VPS13B: variants seen among roughly 807,000 people sequenced by gnomAD.
The protein encoded by VPS13B is vacuolar protein sorting 13 homolog B.
A neutral mutation model predicts 426.4 loss-of-function variants in VPS13B; 285 were observed. That is an observed-to-expected ratio of 0.67 (90% CI 0.61 to 0.74). The LOEUF is 0.74. Among genes scored for constraint, VPS13B ranks in the 30% least tolerant of loss-of-function variants. The probability of loss-of-function intolerance (pLI) is 0.00; values close to 1 mark genes in which losing one functional copy is unlikely to be tolerated. For missense variants in VPS13B, 4,537 were observed against 4,782.6 expected, an observed-to-expected ratio of 0.95 and a Z score of 1.51; for synonymous variants, 1,676 against 1,676.4, an observed-to-expected ratio of 1.00 and a Z score of 0.01.
chr8:99,561,353 T>C (rs1000916388), intron 31 of VPS13B, among the ~76,000 whole-genome samples: 1 of 152,214 alleles, frequency 6.6e-6, no homozygotes, highest in African/African-American at 2.4e-5. Flanking sequence ...GCATACTGTT[T>C]TGTATATTCA....
chr8:99,649,852 TTAAACTTA>T (rs1475685190), intron 34 of VPS13B, among the ~76,000 whole-genome samples: 19 of 152,172 alleles, frequency 1.2e-4, no homozygotes, highest in African/African-American at 4.3e-4. Context: ...CACTCTCGAG[TTAAACTTA>T]TAAAAGAAGA....
chr8:99,115,733 A>G lies in VPS13B; in HGVS notation c.796A>G (p.Ile266Val), dbSNP rs752505325. The G allele has an allele frequency of 2.6e-5, 42 of 1,613,302 alleles. No individual in the cohort carries two copies. Among genetic ancestry groups the G allele is most frequent in the Non-Finnish European group, 3.6e-5 (42 of 1,179,652 alleles). ...TTTAGTGGAAAGTTTGAAACTTTCT[A>G]TCACAGATCAACAACTGCCTATGTT... ...HTLVESLKLS[I>V]TDQQLPMFIR... Residue 266 changes from isoleucine (I) to valine (V), a missense_variant, in exon 7 of 62, where the codon ATC becomes GTC. By Grantham distance (29) the Ile-to-Val change is conservative. This residue lies in a region of VPS13B where 4,311 missense variants were observed against 4,474.3 expected (regional missense o/e 0.96). Coordinates refer to ENST00000357162, the MANE Select transcript of VPS13B (RefSeq NM_152564.5).
At chr8:99,483,873 A>G (rs1393137493) in intron 25 of VPS13B, among the ~76,000 whole-genome samples, 1 of 152,110 alleles carries the variant, frequency 6.6e-6, no homozygotes, top group Non-Finnish European at 1.5e-5. Flanking sequence ...CATACAAGGT[A>G]TAGTGTGAAT....
intron 21 of VPS13B, among the ~76,000 whole-genome samples, chr8:99,396,415 T>C (rs866776592): frequency 5.9e-5 from 9 of 152,258 alleles, no homozygotes; most frequent in South Asian, 2.1e-4. Context: ...AAGCAACTTA[T>C]CCGAGGTTAA....
chr8:99,196,355 G>T (rs1813925900), intron 17 of VPS13B, among the ~76,000 whole-genome samples: 2 of 151,142 alleles, frequency 1.3e-5, no homozygotes, highest in South Asian at 4.2e-4. Context: ...TTTTAGTTTT[G>T]GACATGTTAA....
At chr8:99,292,646 C>T (rs1588214802) in intron 19 of VPS13B, among the ~76,000 whole-genome samples, 1 of 152,002 alleles carries the variant, frequency 6.6e-6, no homozygotes, top group African/African-American at 2.4e-5. Context: ...TTCTACTTTG[C>T]TCAGGTTTAT....
rs1354897270 is a variant in VPS13B at position 99,147,968 on chromosome 8, C to G, written c.1971C>G (p.Phe657Leu). 1 of 1,613,160 alleles carries G rather than the reference C, an allele frequency of 6.2e-7. No individual in the cohort carries two copies. Among genetic ancestry groups the G allele is most frequent in the Non-Finnish European group, 8.5e-7 (1 of 1,179,602 alleles). ...KCTCTISMAE[F>L]NLLDHLLPVI... ...CCTGCACAATTTCCATGGCTGAATT[C>G]AACTTGCTGGACCATTTACTACCTG... Residue 657 changes from phenylalanine (F) to leucine (L), a missense_variant, in exon 14 of 62, where the codon TTC becomes TTG. Physicochemically the swap from Phe to Leu is conservative, Grantham distance 22 (BLOSUM62 0). Transcript: ENST00000357162.
In VPS13B at chr8:99,391,622, T is replaced by G. The variant is rs1465563233; in HGVS notation, c.3000T>G (p.Ile1000Met). The G allele has an allele frequency of 1.9e-6, 3 of 1,614,040 alleles. No homozygotes were observed. In the African/African-American group the frequency reaches 4.0e-5, roughly 22 times the overall value. Residue 1000 changes from isoleucine to methionine, a missense_variant, in exon 21 of 62, where the codon ATT becomes ATG. By Grantham distance (10) the Ile-to-Met change is conservative. Around this residue, in one of 2 missense-constraint regions of VPS13B, gnomAD observed 4,311 missense variants for 4,474.3 expected, o/e 0.96. Coordinates refer to ENST00000357162, the MANE Select transcript of VPS13B (RefSeq NM_152564.5). Reference protein sequence around the residue: ...VCRRKEDEVSIGSAPLAKQQS... With the variant: ...VCRRKEDEVSMGSAPLAKQQS... Reference sequence around the variant, plus strand: ...GAAGGAAAGAGGATGAGGTGTCTATTGGAAGTGCCCCCTTGGCAAAGCAGC... The same window carrying G: ...GAAGGAAAGAGGATGAGGTGTCTATGGGAAGTGCCCCCTTGGCAAAGCAGC...
intron 39 of VPS13B, among the ~76,000 whole-genome samples, chr8:99,751,629 C>A (rs899528372): frequency 6.6e-6 from 1 of 152,102 alleles, no homozygotes; most frequent in Non-Finnish European, 1.5e-5. Context: ...ATTAAGTATA[C>A]TTGATAGGCT....
intron 14 of VPS13B, among the ~76,000 whole-genome samples, chr8:99,149,084 T>A (rs1810912620): frequency 6.6e-6 from 1 of 152,252 alleles, no homozygotes; most frequent in Non-Finnish European, 1.5e-5. Flanking sequence ...ATTGCCTTCA[T>A]GGCATGGATT....
chr8:99,748,909 C>T lies in VPS13B; in HGVS notation c.7051-17865C>T, dbSNP rs568498062. On this transcript the variant is annotated intron_variant, in intron 39 of 61. Coordinates refer to ENST00000357162, the MANE Select transcript of VPS13B (RefSeq NM_152564.5). ...CTGGCACACAGAACTTGCTCAATAA[C>T]GGCAGGATGCCTCCTCCTTCCTAGT... 5.3e-5 allele frequency among the ~76,000 whole-genome samples: 8 copies of T among 152,164 alleles called. No homozygotes were observed. In the South Asian group the frequency reaches 1.0e-3, roughly 20 times the overall value.
intron 3 of VPS13B, among the ~76,000 whole-genome samples, 184 bp downstream of exon 3, chr8:99,038,750 G>A (rs1043997044): frequency 1.5e-5 from 2 of 135,256 alleles, no homozygotes; most frequent in African/African-American, 2.8e-5. Flanking sequence ...GCAGTGGTGC[G>A]ATCTCGGCTC....
chr8:99,821,251 A>G, intron 49 of VPS13B, 43 bp from the exon 50 acceptor site: 1 of 1,605,154 alleles, frequency 6.2e-7, no homozygotes, highest in South Asian at 1.1e-5. Flanking sequence ...AAAAATATCA[A>G]AGGTAAGAAA....
intron 21 of VPS13B, among the ~76,000 whole-genome samples, chr8:99,411,660 T>C (rs1424669403): frequency 6.6e-6 from 1 of 152,238 alleles, no homozygotes; most frequent in Non-Finnish European, 1.5e-5. Flanking sequence ...TGAATGGTAC[T>C]GCCTCCGTTT....
intron 23 of VPS13B, among the ~76,000 whole-genome samples, chr8:99,444,683 A>G (rs1817828254): frequency 1.3e-5 from 2 of 151,464 alleles, no homozygotes; most frequent in South Asian, 4.2e-4. Flanking sequence ...TTATTTATTT[A>G]TTTTTTTGGA....
intron 11 of VPS13B, 45 bp downstream of exon 11, chr8:99,135,778 T>G (rs1338257451): frequency 2.5e-6 from 4 of 1,610,192 alleles, no homozygotes. Flanking sequence ...TGTGTTTGGG[T>G]GGACACATTG....
chr8:99,370,030 A>G (rs1360867215), intron 19 of VPS13B, among the ~76,000 whole-genome samples: 1 of 152,204 alleles, frequency 6.6e-6, no homozygotes, highest in Non-Finnish European at 1.5e-5. Context: ...CTTTACAATA[A>G]CTACTTCTGG....
chr8:99,567,954 A>C (rs1452838542), intron 31 of VPS13B, among the ~76,000 whole-genome samples: 1 of 152,142 alleles, frequency 6.6e-6, no homozygotes, highest in African/African-American at 2.4e-5. Context: ...AAATTTCCTT[A>C]GATTGGAGCT....
At chr8:99,440,159 A>G (rs1383569252) in intron 22 of VPS13B, among the ~76,000 whole-genome samples, 1 of 152,172 alleles carries the variant, frequency 6.6e-6, no homozygotes, top group Non-Finnish European at 1.5e-5. Context: ...CAAAACTGAA[A>G]CAAGATCCTT....
Sources: allele counts gnomAD v4.1 joint callset (sites outside exome capture counted in the v4.1 genomes callset), GRCh38; gene constraint gnomAD v4.1.1; regional missense constraint gnomAD v4.1.1; transcripts MANE v1.5; gene names NCBI Gene and HGNC (gene_info 2026-07-23, HGNC 2026-07-21).